TTC39B: variants seen among roughly 807,000 people sequenced by gnomAD.
TTC39B encodes tetratricopeptide repeat protein 39B.
In TTC39B, 92 loss-of-function variants were observed where a neutral mutation model predicts 96.6. The ratio of observed to expected loss-of-function variants is 0.95; its 90% CI spans 0.80 to 1.13. The LOEUF is 1.13. Among genes scored for constraint, TTC39B ranks in the 50% most tolerant of loss-of-function variants. The pLI is 0.00. For missense variants in TTC39B, 955 were observed against 809.3 expected (o/e 1.18, Z -2.18); for synonymous variants, 367 against 299.4 (o/e 1.23, Z -2.33).
At chr9:15,238,281 G>C (rs980342135) in intron 2 of TTC39B, among the ~76,000 whole-genome samples, 12 of 152,124 alleles carry the variant, frequency 7.9e-5, no homozygotes, top group African/African-American at 2.9e-4. Context: ...GCAAGAGAAA[G>C]ATATAAAAGG....
At chr9:15,215,044 G>A (rs1820430993) in intron 3 of TTC39B, among the ~76,000 whole-genome samples, 1 of 151,896 alleles carries the variant, frequency 6.6e-6, no homozygotes, top group Non-Finnish European at 1.5e-5. Context: ...GCTTGAGGCC[G>A]GGAGCTCAAG....
Position 15,172,115 on chromosome 9 carries a change from G to T in TTC39B, c.1959-6C>A. ...AGTAATCTTTGTAGTTGTTCCTGAA[G>T]ACAATAACAATAAAATTGTACAGTC... On this transcript the variant is annotated splice_region_variant and splice_polypyrimidine_tract_variant and intron_variant, in intron 19 of 19. Transcript: ENST00000512701. The T allele has an allele frequency of 1.9e-6, 3 of 1,605,626 alleles. No individual in the cohort carries two copies. The highest frequency in any genetic ancestry group is 2.6e-6 in the Non-Finnish European group (3 of 1,173,900).
At chr9:15,283,576 C>T (rs1823848761) in intron 1 of TTC39B, among the ~76,000 whole-genome samples, 1 of 152,044 alleles carries the variant, frequency 6.6e-6, no homozygotes, top group South Asian at 2.1e-4. Context: ...CGCAGCAGAA[C>T]TCTCAGTGGA....
At chr9:15,284,433 T>A (rs1016266253) in intron 1 of TTC39B, among the ~76,000 whole-genome samples, 4 of 152,208 alleles carry the variant, frequency 2.6e-5, no homozygotes, top group African/African-American at 7.2e-5. Context: ...AAGATTATGA[T>A]ACACACTGTG....
chr9:15,250,865 C>G (rs978840895), intron 2 of TTC39B, among the ~76,000 whole-genome samples: 3 of 152,156 alleles, frequency 2.0e-5, no homozygotes, highest in South Asian at 4.1e-4. Flanking sequence ...AGAATTGAAA[C>G]GTTTTTAGTA....
At chr9:15,185,561 T>C (rs1307415110) in intron 15 of TTC39B, 155 bp from the exon 16 acceptor site, 3 of 1,161,792 alleles carry the variant, frequency 2.6e-6, no homozygotes, top group African/African-American at 3.2e-5. Flanking sequence ...GGCCCTACTC[T>C]AGACCTACTG....
chr9:15,215,132 G>C (rs1481226310), intron 3 of TTC39B, among the ~76,000 whole-genome samples: 1 of 152,130 alleles, frequency 6.6e-6, no homozygotes, highest in Non-Finnish European at 1.5e-5. Context: ...GTGTGTGCCT[G>C]TAATCCCAGC....
At chr9:15,205,566 G>C (rs1819798273) in intron 6 of TTC39B, among the ~76,000 whole-genome samples, 1 of 152,190 alleles carries the variant, frequency 6.6e-6, no homozygotes, top group Non-Finnish European at 1.5e-5. Context: ...AGGAGTTAGA[G>C]CCTGCACATC....
intron 2 of TTC39B, among the ~76,000 whole-genome samples, chr9:15,252,883 C>T (rs969373937): frequency 6.6e-6 from 1 of 152,180 alleles, no homozygotes; most frequent in Non-Finnish European, 1.5e-5. Flanking sequence ...AATCATCTTT[C>T]CAAGAGTTTC....
In TTC39B at chr9:15,273,226, A is replaced by G. The variant is rs931450865; in HGVS notation, c.241-5278T>C. Reference sequence around the variant, plus strand: ...AAAGAGTAAAGATGACAAATATGCTATTAACAGTAGTAATGTCAATACTCT... The same window carrying G: ...AAAGAGTAAAGATGACAAATATGCTGTTAACAGTAGTAATGTCAATACTCT... On this transcript the variant is annotated intron_variant, in intron 1 of 19. Transcript: ENST00000512701. 7.9e-5 allele frequency among the ~76,000 whole-genome samples: 12 copies of G among 152,238 alleles called. 1 individual carries two copies. The highest frequency in any genetic ancestry group is 7.8e-4 in the Admixed American group (12 of 15,290).
At position 15,260,711 on chromosome 9, in the gene TTC39B, T is replaced by G. The variant is rs191488952; in HGVS notation, c.275+7203A>C. On this transcript the variant is annotated intron_variant, in intron 2 of 19. Coordinates refer to ENST00000512701, the Ensembl canonical transcript of TTC39B. ...AAGGTGTGGAGAAGGAAAAAGTTTG[T>G]GAGAAATGTTATAAAACAAAATATT... Among the ~76,000 whole-genome samples, 80 of 152,302 alleles carry G rather than the reference T, an allele frequency of 5.3e-4. 2 individuals carry two copies. Among genetic ancestry groups the G allele is most frequent in the Admixed American group, 7.8e-4 (12 of 15,306 alleles).
At chr9:15,166,374 C>T (rs1817517605) in exon 20 of TTC39B, 1 of 152,168 alleles carries the variant, frequency 6.6e-6, no homozygotes, top group Admixed American at 6.5e-5. Flanking sequence ...TGTAGACTTC[C>T]TCTGAAGCTA....
intron 1 of TTC39B, among the ~76,000 whole-genome samples, chr9:15,275,751 G>A (rs2131570090): frequency 6.6e-6 from 1 of 152,278 alleles, no homozygotes; most frequent in Non-Finnish European, 1.5e-5. Flanking sequence ...CTACAGTCAT[G>A]TTGTCTACAG....
At chr9:15,200,239 T>C (rs1819455422) in intron 7 of TTC39B, among the ~76,000 whole-genome samples, 1 of 152,216 alleles carries the variant, frequency 6.6e-6, no homozygotes, top group African/African-American at 2.4e-5. Context: ...CATTGACATC[T>C]ACTGAGCAAT....
chr9:15,190,757 A>G, intron 10 of TTC39B, 95 bp from the exon 11 acceptor site: 1 of 986,824 alleles, frequency 1.0e-6, no homozygotes, highest in Non-Finnish European at 1.5e-6. Context: ...GGGGGTTACA[A>G]GTACAGATTT....
intron 6 of TTC39B, among the ~76,000 whole-genome samples, chr9:15,206,744 GT>G (rs1370587448): frequency 6.6e-6 from 1 of 151,072 alleles, no homozygotes; most frequent in African/African-American, 2.5e-5. Flanking sequence ...AAGTTTATTA[GT>G]TTATTTTTTT....
At chr9:15,243,778 C>G (rs1289521548) in intron 2 of TTC39B, among the ~76,000 whole-genome samples, 3 of 152,170 alleles carry the variant, frequency 2.0e-5, no homozygotes, top group South Asian at 4.1e-4. Context: ...TATGTAGTGG[C>G]ATACACCTGC....
chr9:15,201,878 T>A (rs149138869), intron 7 of TTC39B, among the ~76,000 whole-genome samples: 1 of 152,282 alleles, frequency 6.6e-6, no homozygotes, highest in African/African-American at 2.4e-5. Flanking sequence ...TACTGAATGC[T>A]GAAGCAGAGA....
At chr9:15,202,515 C>G (rs1819599806) in intron 7 of TTC39B, among the ~76,000 whole-genome samples, 1 of 152,056 alleles carries the variant, frequency 6.6e-6, no homozygotes, top group East Asian at 1.9e-4. Context: ...AGTTCGAGAC[C>G]AGCCTGACCA....
Sources: allele counts gnomAD v4.1 joint callset (sites outside exome capture counted in the v4.1 genomes callset), GRCh38; gene constraint gnomAD v4.1.1; transcripts MANE v1.5; gene names NCBI Gene and HGNC (gene_info 2026-07-23, HGNC 2026-07-21).